The following ERBB4 variants were observed in gnomAD, a reference collection of about 807,000 sequenced individuals.
ERBB4 encodes erb-b2 receptor tyrosine kinase 4.
ERBB4 carries 42 observed loss-of-function variants against 158.0 expected under a neutral mutation model. That is an observed-to-expected ratio of 0.27 (90% CI 0.21 to 0.34). ERBB4 has a LOEUF of 0.34. ERBB4 is among the 10% of genes least tolerant of loss of function. The probability of loss-of-function intolerance (pLI) is 1.00; values close to 1 mark genes in which losing one functional copy is unlikely to be tolerated. For missense variants in ERBB4, 1,333 were observed against 1,624.1 expected (o/e 0.82, Z 3.08); for synonymous variants, 583 against 558.7 (o/e 1.04, Z -0.61).
chr2:211,897,731 A>ATTGTT (rs1486553315), intron 3 of ERBB4, among the ~76,000 whole-genome samples: 1 of 151,448 alleles, frequency 6.6e-6, no homozygotes, highest in African/African-American at 2.4e-5. Flanking sequence ...CTTTTAATTA[A>ATTGTT]TTGTTTTGTT....
chr2:211,563,756 A>T (rs1394925586), intron 19 of ERBB4, among the ~76,000 whole-genome samples: 1 of 151,850 alleles, frequency 6.6e-6, no homozygotes, highest in Admixed American at 6.5e-5. Flanking sequence ...CAAATAGTTT[A>T]CTCACACAGG....
At chr2:212,148,341 AGG>A (rs2080753431) in intron 1 of ERBB4, among the ~76,000 whole-genome samples, 3 of 152,320 alleles carry the variant, frequency 2.0e-5, no homozygotes, top group Admixed American at 2.0e-4. Context: ...TCAAAAAAGA[AGG>A]AAAAAGTATC....
At chr2:212,210,833 C>A (rs918587516) in intron 1 of ERBB4, among the ~76,000 whole-genome samples, 1 of 152,046 alleles carries the variant, frequency 6.6e-6, no homozygotes, top group African/African-American at 2.4e-5. Flanking sequence ...GTATTGAAGG[C>A]TCTTGGTTCT....
At chr2:212,076,823 T>C (rs1339892552) in intron 2 of ERBB4, among the ~76,000 whole-genome samples, 1 of 151,790 alleles carries the variant, frequency 6.6e-6, no homozygotes, top group African/African-American at 2.4e-5. Context: ...AAAATATTCG[T>C]CCATCAAAAG....
chr2:212,085,977 A>G (rs1490892476), intron 2 of ERBB4, among the ~76,000 whole-genome samples: 1 of 151,922 alleles, frequency 6.6e-6, no homozygotes, highest in Non-Finnish European at 1.5e-5. Context: ...GTAGACACCT[A>G]TTGTGTCTAA....
intron 2 of ERBB4, among the ~76,000 whole-genome samples, chr2:212,064,988 GGTGT>G (rs34396660): frequency 0.2 from 28,907 of 143,028 alleles, 3,086 homozygotes; most frequent in South Asian, 0.4. Context: ...ACATCTTTAT[GGTGT>G]GTGTGTGTGT....
At chr2:212,387,414 TCTTA>T (rs760376914) in intron 1 of ERBB4, among the ~76,000 whole-genome samples, 2 of 151,952 alleles carry the variant, frequency 1.3e-5, no homozygotes, top group African/African-American at 2.4e-5. Flanking sequence ...TCAACTGAAG[TCTTA>T]CTTTGATACA....
intron 1 of ERBB4, among the ~76,000 whole-genome samples, chr2:212,357,766 C>T (rs2089519150): frequency 6.6e-6 from 1 of 151,916 alleles, no homozygotes; most frequent in Non-Finnish European, 1.5e-5. Flanking sequence ...AATTGTTCAG[C>T]CCCACGGTCA....
At chr2:211,530,099 T>C (rs930903716) in intron 20 of ERBB4, among the ~76,000 whole-genome samples, 3 of 152,078 alleles carry the variant, frequency 2.0e-5, no homozygotes, top group Non-Finnish European at 4.4e-5. Context: ...TAGAAAAACC[T>C]AAAGACTCCA....
At chr2:211,638,871 T>C (rs2070460919) in intron 16 of ERBB4, among the ~76,000 whole-genome samples, 1 of 152,144 alleles carries the variant, frequency 6.6e-6, no homozygotes, top group African/African-American at 2.4e-5. Flanking sequence ...TACACATATC[T>C]ATGGGCTTTT....
At chr2:211,490,567 A>G (rs35234212) in intron 20 of ERBB4, among the ~76,000 whole-genome samples, 50,267 of 151,838 alleles carry the variant, frequency 0.33, 8,880 homozygotes, top group African/African-American at 0.44. Context: ...GTAAATCATG[A>G]GCGACCTAGA....
chr2:211,738,743 T>G (rs1315260572), intron 5 of ERBB4, among the ~76,000 whole-genome samples: 2 of 151,696 alleles, frequency 1.3e-5, no homozygotes, highest in Admixed American at 1.3e-4. Context: ...CTTGGCTCAC[T>G]GCAACCTCTG....
chr2:211,534,309 T>C (rs2066585263), intron 20 of ERBB4, among the ~76,000 whole-genome samples: 1 of 152,126 alleles, frequency 6.6e-6, no homozygotes, highest in African/African-American at 2.4e-5. Flanking sequence ...GTGGGTGTTC[T>C]GCGTGCTAGT....
intron 1 of ERBB4, among the ~76,000 whole-genome samples, chr2:212,298,098 T>C (rs1250201320): frequency 6.6e-6 from 1 of 151,828 alleles, no homozygotes; most frequent in East Asian, 1.9e-4. Context: ...CACTAATAGT[T>C]CTTTTTAACA....
chr2:212,011,013 C>A (rs913188877), intron 2 of ERBB4, among the ~76,000 whole-genome samples: 22 of 152,118 alleles, frequency 1.4e-4, no homozygotes, highest in African/African-American at 4.8e-4. Context: ...CCCTTGTTCC[C>A]TAAAAATTGC....
intron 4 of ERBB4, among the ~76,000 whole-genome samples, chr2:211,772,651 TTCTTC>T (rs1206984243): frequency 1.3e-5 from 2 of 150,016 alleles, no homozygotes; most frequent in African/African-American, 4.9e-5. Flanking sequence ...CTAATGTTTT[TTCTTC>T]TTTTTTTGAG....
chr2:212,225,249 TTAAC>T (rs1270020857), intron 1 of ERBB4, among the ~76,000 whole-genome samples: 7 of 152,084 alleles, frequency 4.6e-5, no homozygotes, highest in Admixed American at 4.6e-4. Flanking sequence ...AGTGAAAAAT[TTAAC>T]TAACAAATAA....
intron 6 of ERBB4, among the ~76,000 whole-genome samples, chr2:211,722,744 A>G (rs573869874): frequency 5.3e-5 from 8 of 152,376 alleles, no homozygotes; most frequent in African/African-American, 1.9e-4. Flanking sequence ...ACTGATGCTC[A>G]AAGTGCTTAG....
At chr2:212,085,529 T>C (rs1023285641) in intron 2 of ERBB4, among the ~76,000 whole-genome samples, 16 of 151,904 alleles carry the variant, frequency 1.1e-4, no homozygotes, top group African/African-American at 3.6e-4. Flanking sequence ...GACACCTGAC[T>C]GAAGAGTGGC....
Sources: gnomAD v4.1 joint callset for allele counts (sites outside exome capture counted in the v4.1 genomes callset) on GRCh38, gnomAD v4.1.1 for gene constraint, MANE v1.5 for transcripts, NCBI Gene and HGNC (gene_info 2026-07-23, HGNC 2026-07-21) for gene names.